DLG5: variants seen among roughly 807,000 people sequenced by gnomAD.
DLG5 encodes disks large homolog 5.
In DLG5, 48 loss-of-function variants were observed where a neutral mutation model predicts 189.8. The ratio of observed to expected loss-of-function variants is 0.25; its 90% confidence interval spans 0.20 to 0.32. The LOEUF (loss-of-function observed/expected upper bound fraction) is 0.32, where lower values mean the gene tolerates loss of function less well. Among genes scored for constraint, DLG5 ranks in the 10% least tolerant of loss-of-function variants. The probability of loss-of-function intolerance (pLI) is 1.00; values close to 1 mark genes in which losing one functional copy is unlikely to be tolerated. For missense variants in DLG5, 2,160 were observed against 2,544.7 expected (o/e 0.85, Z 3.25); for synonymous variants, 1,016 against 1,054.1 (o/e 0.96, Z 0.70).
intron 2 of DLG5, among the ~76,000 whole-genome samples, chr10:77,860,096 ACAACCT>A (rs1392443146): frequency 6.6e-6 from 1 of 152,170 alleles, no homozygotes; most frequent in Non-Finnish European, 1.5e-5. Context: ...CACCTTCACA[ACAACCT>A]CACAAGTGTG....
intron 1 of DLG5, chr10:77,912,139 T>C (rs1846240225): frequency 6.8e-6 from 1 of 147,282 alleles, no homozygotes; most frequent in African/African-American, 2.5e-5. Flanking sequence ...GAGTTCAAGA[T>C]TACATTGAGC....
intron 1 of DLG5, among the ~76,000 whole-genome samples, chr10:77,892,772 C>T (rs965176095): frequency 7.4e-4 from 112 of 152,288 alleles, no homozygotes; most frequent in African/African-American, 2.4e-3. Flanking sequence ...CAAAACAATA[C>T]GTGTACATGA....
At chr10:77,872,258 C>T (rs1420407049) in intron 1 of DLG5, among the ~76,000 whole-genome samples, 1 of 152,164 alleles carries the variant, frequency 6.6e-6, no homozygotes, top group African/African-American at 2.4e-5. Flanking sequence ...GTAAACTGCC[C>T]CTCCTCTTCA....
intron 5 of DLG5, among the ~76,000 whole-genome samples, chr10:77,850,112 G>T (rs1315250590): frequency 1.3e-5 from 2 of 152,058 alleles, no homozygotes; most frequent in African/African-American, 4.8e-5. Flanking sequence ...TATTCACAAG[G>T]TTATGAATCC....
intron 20 of DLG5, among the ~76,000 whole-genome samples, chr10:77,814,532 CTTG>C (rs1452655850): frequency 1.9e-4 from 25 of 129,428 alleles, no homozygotes; most frequent in Middle Eastern, 6.2e-3. Flanking sequence ...AATTGAATCT[CTTG>C]TTGAAGAAAT....
At chr10:77,934,618 C>A in the DLG5 span, among the ~76,000 whole-genome samples, 1 of 152,088 alleles carries the variant, frequency 6.6e-6, no homozygotes, top group East Asian at 1.9e-4. Context: ...TGGTCCCCAG[C>A]TGACAGCCAG....
In DLG5 at chr10:77,799,291, C is replaced by T. The variant is rs1318879889; in HGVS notation, c.5165-2697G>A. Among the ~76,000 whole-genome samples, 2 of 152,200 alleles carry T rather than the reference C, an allele frequency of 1.3e-5. 1 individual carries two copies. Among genetic ancestry groups the T allele is most frequent in the South Asian group, 4.1e-4 (2 of 4,830 alleles). On this transcript the variant is annotated intron_variant, in intron 27 of 31. Transcript: ENST00000372391. ...TGCTGTGGACTGAACTATGTCCCCT[C>T]GACATTTATATGTTGAAGCCCTAAG...
Position 77,877,445 on chromosome 10 carries a change from T to G in DLG5, c.305-8248A>C, listed in dbSNP as rs562440152. On this transcript the variant is annotated intron_variant, in intron 1 of 31. Transcript: ENST00000372391. Reference sequence around the variant, plus strand: ...CAGTTGGATAGCCTGCTTGTCTTCATCAGCGAAGCAAAGGCTCCTGGAGGC... The same window carrying G: ...CAGTTGGATAGCCTGCTTGTCTTCAGCAGCGAAGCAAAGGCTCCTGGAGGC... 1.2e-4 allele frequency among the ~76,000 whole-genome samples: 19 copies of G among 152,320 alleles called. 2 individuals carry two copies. The South Asian group carries it at 3.9e-3, about 32-fold the overall frequency.
chr10:77,870,961 A>C (rs1272000389), intron 1 of DLG5, among the ~76,000 whole-genome samples: 1 of 152,066 alleles, frequency 6.6e-6, no homozygotes, highest in Non-Finnish European at 1.5e-5. Flanking sequence ...AGAAAAAGAG[A>C]TGAAGGGGGA....
chr10:77,889,878 C>A (rs1845555381), intron 1 of DLG5, among the ~76,000 whole-genome samples: 1 of 152,056 alleles, frequency 6.6e-6, no homozygotes, highest in Non-Finnish European at 1.5e-5. Context: ...GTACGGTGGA[C>A]ACAATGATAG....
At chr10:77,841,747 C>T in intron 7 of DLG5, 134 bp downstream of exon 7, 1 of 982,112 alleles carries the variant, frequency 1.0e-6, no homozygotes, top group Admixed American at 2.5e-5. Context: ...ACCCAGCTTG[C>T]ACTTAGGCCT....
At chr10:77,864,849 T>G (rs1418983263) in intron 2 of DLG5, among the ~76,000 whole-genome samples, 1 of 152,190 alleles carries the variant, frequency 6.6e-6, no homozygotes, top group Non-Finnish European at 1.5e-5. Flanking sequence ...TTTCCCCAGC[T>G]TGGAGTGAAA....
chr10:77,799,065 C>T (rs921389478), intron 27 of DLG5, among the ~76,000 whole-genome samples: 3 of 152,176 alleles, frequency 2.0e-5, no homozygotes, highest in Non-Finnish European at 2.9e-5. Context: ...TTAGGAGATT[C>T]TTTTTCCTCC....
intron 2 of DLG5, among the ~76,000 whole-genome samples, chr10:77,859,501 C>A (rs1353777427): frequency 3.3e-5 from 5 of 152,142 alleles, no homozygotes; most frequent in African/African-American, 1.2e-4. Context: ...GTTGCTGCAG[C>A]TTTTCTTTTC....
Position 77,881,620 on chromosome 10 carries a change from G to A in DLG5, c.305-12423C>T, listed in dbSNP as rs141862871. On this transcript the variant is annotated intron_variant, in intron 1 of 31. Transcript: ENST00000372391. ...AGCTAGATAAATATCTCCATCCTGG[G>A]TCTTTAGAAGGCAGCAAGAAATGGA... is the stretch of plus-strand genomic sequence containing the variant. Among the ~76,000 whole-genome samples, 1,081 of 152,318 alleles carry A rather than the reference G, an allele frequency of 7.1e-3. 34 individuals are homozygous for A. Among genetic ancestry groups the A allele is most frequent in the Non-Finnish European group, 3.6e-3 (243 of 68,032 alleles).
At chr10:77,890,281 T>G (rs1845567864) in intron 1 of DLG5, among the ~76,000 whole-genome samples, 2 of 152,150 alleles carry the variant, frequency 1.3e-5, no homozygotes, top group African/African-American at 2.4e-5. Flanking sequence ...AGGGCGCTCT[T>G]GAGCCCATCA....
At chr10:77,815,388 G>A (rs74140356) in intron 20 of DLG5, among the ~76,000 whole-genome samples, 11 of 152,292 alleles carry the variant, frequency 7.2e-5, no homozygotes, top group Admixed American at 2.0e-4. Context: ...GGCTGGGCAC[G>A]GTGGCTCACG....
intron 14 of DLG5, 37 bp from the exon 15 acceptor site, chr10:77,822,138 A>G: frequency 6.3e-7 from 1 of 1,577,248 alleles, no homozygotes; most frequent in Non-Finnish European, 8.6e-7. Flanking sequence ...AGAGAGAGTG[A>G]GATGGCAGGA....
chr10:77,833,879 C>T lies in DLG5; in HGVS notation c.1748+35G>A, dbSNP rs566230880. On this transcript the variant is annotated intron_variant, in intron 9 of 31. Coordinates refer to ENST00000372391, the MANE Select transcript of DLG5 (RefSeq NM_004747.4). ...GAGAGGGGCCCCAGGCTCCCAGATG[C>T]ATGCCCACTCCAGCGGGTGCCCACC... The T allele has an allele frequency of 1.4e-4, 223 of 1,600,362 alleles. 2 individuals carry two copies. In the South Asian group the frequency reaches 2.4e-3, roughly 17 times the overall value.
Sources: allele counts gnomAD v4.1 joint callset (sites outside exome capture counted in the v4.1 genomes callset), GRCh38; gene constraint gnomAD v4.1.1; transcripts MANE v1.5; gene names NCBI Gene and HGNC (gene_info 2026-07-23, HGNC 2026-07-21).